LUZP2: variants seen among roughly 807,000 people sequenced by gnomAD.
LUZP2 encodes leucine zipper protein 2.
A neutral mutation model predicts 51.6 loss-of-function variants in LUZP2; 52 were observed. The ratio of observed to expected loss-of-function variants is 1.01; its 90% CI spans 0.81 to 1.27. LUZP2 has a LOEUF of 1.27. Among genes scored for constraint, LUZP2 ranks in the 50% most tolerant of loss-of-function variants. LUZP2 has a pLI of 0.00. For missense variants in LUZP2, 436 were observed against 395.4 expected, an observed-to-expected ratio of 1.10 and a Z score of -0.87; for synonymous variants, 154 against 137.3, an observed-to-expected ratio of 1.12 and a Z score of -0.85.
At chr11:24,750,616 A>G (rs1468399273) in intron 4 of LUZP2, among the ~76,000 whole-genome samples, 1 of 152,202 alleles carries the variant, frequency 6.6e-6, no homozygotes, top group Non-Finnish European at 1.5e-5. Flanking sequence ...CTTTGGAGTC[A>G]TTCCTCAAGA....
intron 5 of LUZP2, among the ~76,000 whole-genome samples, chr11:24,773,580 G>T (rs11827414): frequency 6.6e-6 from 1 of 152,106 alleles, no homozygotes; most frequent in Non-Finnish European, 1.5e-5. Flanking sequence ...ATCAGCAGCC[G>T]GTGTTGGGAG....
At chr11:24,512,139 G>T (rs1371901752) in intron 1 of LUZP2, among the ~76,000 whole-genome samples, 1 of 152,174 alleles carries the variant, frequency 6.6e-6, no homozygotes, top group African/African-American at 2.4e-5. Context: ...GCTGAACAGG[G>T]GAAGAAGTGA....
At chr11:24,959,241 CT>C (rs1259037656) in intron 7 of LUZP2, among the ~76,000 whole-genome samples, 2 of 152,036 alleles carry the variant, frequency 1.3e-5, no homozygotes, top group Admixed American at 6.6e-5. Flanking sequence ...GATGCGGGCT[CT>C]TTTTTAGTTC....
At chr11:24,807,714 A>T (rs975142733) in intron 5 of LUZP2, among the ~76,000 whole-genome samples, 2 of 152,074 alleles carry the variant, frequency 1.3e-5, no homozygotes, top group Non-Finnish European at 2.9e-5. Context: ...TGTAGCATTC[A>T]TTCTTCCCAA....
intron 1 of LUZP2, among the ~76,000 whole-genome samples, chr11:24,531,039 T>TTTATTATTATTATTATTATTATTA (rs367681666): frequency 0.048 from 7,023 of 144,832 alleles, 272 homozygotes; most frequent in African/African-American, 0.095. Context: ...TTTAGCCTCT[T>TTTATTATTATTATTATTATTATTA]TTATTATTAT....
At position 25,004,735 on chromosome 11, in the gene LUZP2, G is replaced by C. The variant is rs188374681; in HGVS notation, c.765+21442G>C. 6.8e-4 allele frequency among the ~76,000 whole-genome samples: 103 copies of C among 152,202 alleles called. No homozygotes were observed. In the Middle Eastern group the frequency reaches 0.01, roughly 15 times the overall value. On this transcript the variant is annotated intron_variant, in intron 9 of 11. Coordinates refer to ENST00000336930, the MANE Select transcript of LUZP2 (RefSeq NM_001009909.4). Reference sequence around the variant, plus strand: ...TTCCTAATTCTCCTTAGTCCTTCTAGAACACAGGTCAACAGAAGTTTACAA... The same window carrying C: ...TTCCTAATTCTCCTTAGTCCTTCTACAACACAGGTCAACAGAAGTTTACAA...
At chr11:24,847,104 A>C (rs569071833) in intron 5 of LUZP2, among the ~76,000 whole-genome samples, 5 of 151,924 alleles carry the variant, frequency 3.3e-5, no homozygotes, top group South Asian at 2.1e-4. Context: ...AACACATTAC[A>C]GGTATAATAT....
intron 7 of LUZP2, among the ~76,000 whole-genome samples, chr11:24,925,684 T>A: frequency 6.6e-6 from 1 of 152,096 alleles, no homozygotes; most frequent in Middle Eastern, 3.2e-3. Flanking sequence ...ATTCTTCAAA[T>A]AGAATGACTA....
At chr11:24,612,879 T>C (rs943942659) in intron 1 of LUZP2, among the ~76,000 whole-genome samples, 3 of 152,114 alleles carry the variant, frequency 2.0e-5, no homozygotes, top group African/African-American at 7.2e-5. Flanking sequence ...TTTTCCTTTC[T>C]CCAATAGACA....
At chr11:24,727,415 G>A (rs1041148436) in intron 1 of LUZP2, among the ~76,000 whole-genome samples, 7 of 151,858 alleles carry the variant, frequency 4.6e-5, no homozygotes, top group African/African-American at 1.4e-4. Flanking sequence ...AAATAGGTAC[G>A]GATGTGTTAT....
intron 10 of LUZP2, among the ~76,000 whole-genome samples, chr11:25,072,206 G>T (rs1336913191): frequency 6.6e-6 from 1 of 152,046 alleles, no homozygotes; most frequent in East Asian, 1.9e-4. Context: ...GATGTGACCT[G>T]CAGGCACTTT....
At chr11:24,877,202 CA>C (rs1303311413) in intron 5 of LUZP2, among the ~76,000 whole-genome samples, 4 of 152,088 alleles carry the variant, frequency 2.6e-5, no homozygotes, top group African/African-American at 9.7e-5. Context: ...AGGAGAAGTA[CA>C]AGTGATAAAT....
intron 5 of LUZP2, among the ~76,000 whole-genome samples, chr11:24,886,810 G>C (rs976720868): frequency 1.3e-5 from 2 of 152,060 alleles, no homozygotes; most frequent in Admixed American, 1.3e-4. Context: ...CTTTAATAAG[G>C]CATGCTATAA....
chr11:24,879,119 T>C (rs1852370545), intron 5 of LUZP2, among the ~76,000 whole-genome samples: 1 of 152,036 alleles, frequency 6.6e-6, no homozygotes, highest in African/African-American at 2.4e-5. Context: ...TAATTTTTTG[T>C]ATTTTTAGTA....
chr11:24,589,936 G>GAA lies in LUZP2; in HGVS notation c.62+92636_62+92637dup, dbSNP rs35419149. Among the ~76,000 whole-genome samples, 7 of 152,176 alleles carry GAA rather than the reference G, an allele frequency of 4.6e-5. No homozygotes were observed. In the East Asian group the frequency reaches 9.7e-4, roughly 21 times the overall value. On this transcript the variant is annotated intron_variant, in intron 1 of 11. Coordinates refer to ENST00000336930, the MANE Select transcript of LUZP2 (RefSeq NM_001009909.4). ...TTCACAACCGAAGTAATTGGGGTTT[G>GAA]AAAAAACAGTTGAGTGCTTTATCCT...
chr11:24,795,707 G>A (rs1849527468), intron 5 of LUZP2, among the ~76,000 whole-genome samples: 1 of 152,060 alleles, frequency 6.6e-6, no homozygotes, highest in African/African-American at 2.4e-5. Context: ...TTTACGGTGT[G>A]CTTATGTAAT....
chr11:24,624,152 G>T (rs1354332878), intron 1 of LUZP2, among the ~76,000 whole-genome samples: 3 of 152,044 alleles, frequency 2.0e-5, no homozygotes, highest in African/African-American at 7.2e-5. Flanking sequence ...AATTTTCCAG[G>T]TTCACTCAGC....
intron 3 of LUZP2, among the ~76,000 whole-genome samples, chr11:24,737,128 G>A (rs538276750): frequency 6.6e-6 from 1 of 152,140 alleles, no homozygotes; most frequent in Admixed American, 6.6e-5. Flanking sequence ...AGATGTCAGT[G>A]GTTATTGCCA....
intron 1 of LUZP2, among the ~76,000 whole-genome samples, chr11:24,585,450 G>C (rs1044801149): frequency 6.6e-6 from 1 of 151,942 alleles, no homozygotes; most frequent in African/African-American, 2.4e-5. Context: ...TCACTTTTAT[G>C]TTTCACTGAA....
Sources: gnomAD v4.1 joint callset for allele counts (sites outside exome capture counted in the v4.1 genomes callset) on GRCh38, gnomAD v4.1.1 for gene constraint, MANE v1.5 for transcripts, NCBI Gene and HGNC (gene_info 2026-07-23, HGNC 2026-07-21) for gene names.